DAB1: variants seen among roughly 807,000 people sequenced by gnomAD.
DAB1 encodes the protein disabled homolog 1.
Under a neutral mutation model 64.6 loss-of-function variants are expected in DAB1, and 15 were observed. The ratio of observed to expected loss-of-function variants is 0.23; its 90% confidence interval spans 0.16 to 0.36. The LOEUF is 0.36. Among genes scored for constraint, DAB1 ranks in the 10% least tolerant of loss-of-function variants. The pLI, the probability that DAB1 is intolerant of heterozygous loss-of-function variation, is 1.00. For missense variants in DAB1, 596 were observed against 706.7 expected, an observed-to-expected ratio of 0.84 and a Z score of 1.78; for synonymous variants, 235 against 251.9, an observed-to-expected ratio of 0.93 and a Z score of 0.64.
intron 3 of DAB1, among the ~76,000 whole-genome samples, chr1:58,436,745 T>C (rs934335065): frequency 6.6e-6 from 1 of 152,250 alleles, no homozygotes; most frequent in African/African-American, 2.4e-5. Context: ...GCTACTCCTC[T>C]AATATGGGAC....
chr1:58,480,988 C>T (rs1257043915), intron 3 of DAB1: 9 of 869,016 alleles, frequency 1.0e-5, no homozygotes, highest in African/African-American at 6.5e-5. Context: ...CTTTTCTCAA[C>T]TATGTATGTT....
chr1:57,657,504 C>T (rs115392122), intron 6 of DAB1, among the ~76,000 whole-genome samples: 233 of 152,286 alleles, frequency 1.5e-3, no homozygotes, highest in African/African-American at 5.1e-3. Flanking sequence ...AGTTCCCAGA[C>T]AGAGATTTGG....
intron 11 of DAB1, among the ~76,000 whole-genome samples, chr1:57,017,144 G>A (rs556783512): frequency 1.3e-5 from 2 of 152,094 alleles, no homozygotes; most frequent in Admixed American, 1.3e-4. Context: ...AAACTCCCAT[G>A]TGCTTCCAGG....
At chr1:57,798,149 C>T (rs1032512927) in intron 6 of DAB1, among the ~76,000 whole-genome samples, 8 of 152,132 alleles carry the variant, frequency 5.3e-5, no homozygotes, top group Admixed American at 1.3e-4. Context: ...CCAAATGGCT[C>T]GCCTTCATGT....
chr1:57,601,095 T>TA (rs2101585406), intron 7 of DAB1, among the ~76,000 whole-genome samples: 1 of 152,212 alleles, frequency 6.6e-6, no homozygotes, highest in African/African-American at 2.4e-5. Context: ...TATTATAAGA[T>TA]AAAAAACACT....
intron 3 of DAB1, among the ~76,000 whole-genome samples, chr1:58,503,382 G>A (rs781182336): frequency 7.9e-5 from 12 of 152,030 alleles, no homozygotes; most frequent in Admixed American, 2.6e-4. Context: ...ACCCTTTTAA[G>A]AGGAATAATT....
At position 58,406,475 on chromosome 1, in the gene DAB1, G is replaced by A. The variant is rs141385863; in HGVS notation, n.258-63072C>T. 7.2e-5 allele frequency among the ~76,000 whole-genome samples: 11 copies of A among 152,182 alleles called. No individual in the cohort carries two copies. The South Asian group carries it at 8.3e-4, about 11-fold the overall frequency. On this transcript the variant is annotated intron_variant and non_coding_transcript_variant, in intron 3 of 20. Transcript: ENST00000485760. ...ACATGATCCAGCCCTGGGCGTTTCCGGCCACTTTCAAAGCCATAGCCCAGA... is the reference window on the plus strand; with the variant it reads ...ACATGATCCAGCCCTGGGCGTTTCCAGCCACTTTCAAAGCCATAGCCCAGA...
intron 5 of DAB1, among the ~76,000 whole-genome samples, chr1:57,992,532 G>C (rs1646360588): frequency 6.6e-6 from 1 of 152,134 alleles, no homozygotes; most frequent in Non-Finnish European, 1.5e-5. Context: ...TGGCCCAAAG[G>C]AAGGTGATGA....
chr1:57,938,264 A>T (rs1645056135), intron 5 of DAB1, among the ~76,000 whole-genome samples: 1 of 152,206 alleles, frequency 6.6e-6, no homozygotes, highest in African/African-American at 2.4e-5. Flanking sequence ...GGGTTTTAAA[A>T]GAATGTGAAA....
intron 1 of DAB1, chr1:57,880,591 C>T (rs186070783): frequency 6.6e-6 from 1 of 152,244 alleles, no homozygotes; most frequent in African/African-American, 2.4e-5. Context: ...AGTATTTTGC[C>T]TGGGCTTCTG....
chr1:57,060,125 T>TTTTATTTTATTTTATTTTA (rs1650227539), intron 9 of DAB1, among the ~76,000 whole-genome samples: 1 of 135,904 alleles, frequency 7.4e-6, no homozygotes, highest in Non-Finnish European at 1.6e-5. Context: ...ATTCATATAT[T>TTTTATTTTATTTTATTTTA]TTTTATTTTA....
chr1:57,287,058 C>T (rs1672373463), intron 2 of DAB1, among the ~76,000 whole-genome samples: 2 of 152,090 alleles, frequency 1.3e-5, no homozygotes, highest in East Asian at 1.9e-4. Flanking sequence ...TAAAGGGGAA[C>T]TAACAAGGTA....
chr1:57,190,580 A>G (rs945258987), intron 2 of DAB1, among the ~76,000 whole-genome samples: 2 of 152,164 alleles, frequency 1.3e-5, no homozygotes, highest in African/African-American at 4.8e-5. Context: ...CTGTCTCCAG[A>G]GTCTACTCTG....
intron 3 of DAB1, among the ~76,000 whole-genome samples, chr1:58,458,870 A>C (rs894781624): frequency 7.2e-5 from 11 of 152,178 alleles, no homozygotes; most frequent in African/African-American, 2.7e-4. Flanking sequence ...ACCAAAGTCT[A>C]AATATTAATG....
intron 4 of DAB1, among the ~76,000 whole-genome samples, chr1:58,168,472 A>G (rs1380595356): frequency 1.3e-5 from 2 of 152,134 alleles, no homozygotes. Context: ...CTCTGAGGCT[A>G]GTCCCACTTC....
intron 7 of DAB1, among the ~76,000 whole-genome samples, chr1:57,647,215 A>C (rs1646202598): frequency 6.6e-6 from 1 of 152,162 alleles, no homozygotes. Flanking sequence ...CTCCACTGAC[A>C]CTGCCCTAGT....
chr1:58,362,860 G>T (rs766488763), intron 3 of DAB1, among the ~76,000 whole-genome samples: 3 of 152,242 alleles, frequency 2.0e-5, no homozygotes, highest in Non-Finnish European at 4.4e-5. Context: ...GTCTTAGCCA[G>T]CTTGGGCTTC....
At chr1:57,875,960 G>A (rs191384333) in intron 1 of DAB1, among the ~76,000 whole-genome samples, 8 of 152,142 alleles carry the variant, frequency 5.3e-5, no homozygotes, top group South Asian at 2.1e-4. Flanking sequence ...CTCAGCGATC[G>A]TTGTCACTGC....
intron 5 of DAB1, among the ~76,000 whole-genome samples, chr1:58,003,730 G>A (rs560875730): frequency 1.1e-4 from 17 of 152,316 alleles, no homozygotes; most frequent in Non-Finnish European, 1.9e-4. Flanking sequence ...AGGTGGCCTT[G>A]TGGGAAATAT....
Sources: gnomAD v4.1 joint callset for allele counts (sites outside exome capture counted in the v4.1 genomes callset) on GRCh38, gnomAD v4.1.1 for gene constraint, MANE v1.5 for transcripts, NCBI Gene and HGNC (gene_info 2026-07-23, HGNC 2026-07-21) for gene names.